Variants in WDFY4 observed in about 807,000 individuals in gnomAD.
The protein encoded by WDFY4 is WD repeat- and FYVE domain-containing protein 4.
A neutral mutation model predicts 351.9 loss-of-function variants in WDFY4; 169 were observed. That is an observed-to-expected ratio of 0.48 (90% CI 0.42 to 0.55). The LOEUF is 0.55. Among genes scored for constraint, WDFY4 ranks in the 20% least tolerant of loss-of-function variants. WDFY4 has a pLI of 0.00. For synonymous variants in WDFY4, 1,622 were observed against 1,574.6 expected (o/e 1.03, Z -0.71); for missense variants, 3,803 against 3,935.6 (o/e 0.97, Z 0.90).
chr10:48,888,819 T>C (rs1589817556), intron 43 of WDFY4, among the ~76,000 whole-genome samples: 1 of 152,226 alleles, frequency 6.6e-6, no homozygotes. Flanking sequence ...CCAAGAATAA[T>C]GTCCAAGAAC....
intron 47 of WDFY4, chr10:48,910,213 C>T (rs1263538448): frequency 7.5e-7 from 1 of 1,325,002 alleles, no homozygotes; most frequent in South Asian, 1.2e-5. Flanking sequence ...GCTGAGTAGT[C>T]TTCAAGATTT....
chr10:48,820,988 C>T, intron 33 of WDFY4, 74 bp from the exon 34 acceptor site: 1 of 1,040,594 alleles, frequency 9.6e-7, no homozygotes, highest in East Asian at 2.6e-5. Context: ...CCCAGCCAGG[C>T]TAGGGAGGCG....
chr10:48,785,127 T>C (rs1020631101), intron 19 of WDFY4, among the ~76,000 whole-genome samples: 21 of 152,314 alleles, frequency 1.4e-4, no homozygotes, highest in Admixed American at 7.2e-4. Flanking sequence ...CCCAAAGTGC[T>C]GGGATTACAG....
intron 39 of WDFY4, among the ~76,000 whole-genome samples, chr10:48,834,832 T>A (rs1394644459): frequency 6.6e-6 from 1 of 152,246 alleles, no homozygotes; most frequent in African/African-American, 2.4e-5. Context: ...CTCTCATTGA[T>A]ACAGCTCAGC....
chr10:48,696,403 C>A (rs1474932583), intron 1 of WDFY4, among the ~76,000 whole-genome samples: 2 of 152,246 alleles, frequency 1.3e-5, no homozygotes, highest in East Asian at 1.9e-4. Flanking sequence ...ATGTGGCATT[C>A]CCCCAACACA....
intron 43 of WDFY4, among the ~76,000 whole-genome samples, chr10:48,884,514 A>G (rs1007684863): frequency 4.6e-5 from 7 of 152,088 alleles, no homozygotes; most frequent in African/African-American, 1.4e-4. Flanking sequence ...ACACATGTGC[A>G]ACCACATGCA....
chr10:48,901,852 C>T lies in WDFY4; in HGVS notation c.7575C>T (p.Thr2525=), dbSNP rs989960872. ...SLKGKATSED[T]LSLRRYPGSD... ...AGGGGAAAGCCACCTCGGAGGACAC[C>T]CTCAGTCTAAGGTAATGGCGGGTAG... Residue 2525 remains threonine, a synonymous_variant, in exon 47 of 62, where the codon ACC becomes ACT. Transcript: ENST00000325239. 5 of 1,551,432 alleles carry T rather than the reference C, an allele frequency of 3.2e-6. No individual in the cohort carries two copies. In the African/African-American group the frequency reaches 5.5e-5, roughly 17 times the overall value.
chr10:48,863,564 G>A (rs7916558), intron 39 of WDFY4, among the ~76,000 whole-genome samples: 46,431 of 151,746 alleles, frequency 0.31, 7,829 homozygotes, highest in East Asian at 0.71. Context: ...TTTTATTATT[G>A]ATCTCTAAGT....
chr10:48,817,428 C>A lies in WDFY4; in HGVS notation c.5505+19C>A. On this transcript the variant is annotated intron_variant, in intron 32 of 61. Coordinates refer to ENST00000325239, the MANE Select transcript of WDFY4 (RefSeq NM_001394531.1). ...CCAAAAGGTAGGACATGCTGCTGTC[C>A]CACCCAGAGAGAGCAGTTGTGAGCA... is the stretch of plus-strand genomic sequence containing the variant. The A allele has an allele frequency of 6.5e-7, 1 of 1,539,156 alleles. No homozygotes were observed.
intron 51 of WDFY4, among the ~76,000 whole-genome samples, chr10:48,952,782 C>A (rs966733910): frequency 6.6e-6 from 1 of 152,310 alleles, no homozygotes; most frequent in South Asian, 2.1e-4. Flanking sequence ...GGGGTCATCC[C>A]GTCCTCTGTG....
At chr10:48,754,334 A>G (rs941472261) in intron 12 of WDFY4, among the ~76,000 whole-genome samples, 6 of 150,916 alleles carry the variant, frequency 4.0e-5, no homozygotes, top group Admixed American at 1.3e-4. Flanking sequence ...CTCCTACTTC[A>G]GGGCTTTTGC....
chr10:48,888,793 A>G (rs777312276), intron 43 of WDFY4, among the ~76,000 whole-genome samples: 2 of 152,146 alleles, frequency 1.3e-5, no homozygotes, highest in Non-Finnish European at 2.9e-5. Context: ...TTCAAGTTTC[A>G]GGGTCTATGT....
chr10:48,861,837 A>G (rs1006768710), intron 39 of WDFY4, among the ~76,000 whole-genome samples: 3 of 152,088 alleles, frequency 2.0e-5, no homozygotes, highest in Admixed American at 2.0e-4. Context: ...CAAAGATTAA[A>G]TCTTTTGTTA....
At chr10:48,779,090 A>C (rs888722745) in intron 18 of WDFY4, among the ~76,000 whole-genome samples, 4 of 152,252 alleles carry the variant, frequency 2.6e-5, no homozygotes, top group South Asian at 2.1e-4. Flanking sequence ...GATGATGCTC[A>C]GTGGCTTTTC....
chr10:48,928,449 C>T (rs57476749), intron 47 of WDFY4, among the ~76,000 whole-genome samples: 5 of 149,844 alleles, frequency 3.3e-5, no homozygotes, highest in South Asian at 4.2e-4. Context: ...ACACAACTGA[C>T]CAAATGGGGA....
chr10:48,942,522 C>T (rs1840832029), intron 48 of WDFY4, among the ~76,000 whole-genome samples: 1 of 152,188 alleles, frequency 6.6e-6, no homozygotes, highest in Non-Finnish European at 1.5e-5. Flanking sequence ...ATTCTTGTTC[C>T]TGGAAGATAC....
intron 23 of WDFY4, among the ~76,000 whole-genome samples, chr10:48,792,196 C>T (rs1228698560): frequency 6.6e-6 from 1 of 152,154 alleles, no homozygotes; most frequent in Non-Finnish European, 1.5e-5. Flanking sequence ...GCTCAGAGCA[C>T]CTCTTTTTTT....
At chr10:48,780,323 A>G (rs1373426554) in intron 19 of WDFY4, among the ~76,000 whole-genome samples, 1 of 152,262 alleles carries the variant, frequency 6.6e-6, no homozygotes, top group Non-Finnish European at 1.5e-5. Flanking sequence ...TAGAAAATGC[A>G]TTGAAGGTCA....
chr10:48,969,040 T>A, intron 55 of WDFY4, 24 bp from the exon 56 acceptor site: 1 of 1,547,342 alleles, frequency 6.5e-7, no homozygotes, highest in Non-Finnish European at 8.7e-7. Flanking sequence ...CATGCATAAG[T>A]TCGCCATACT....
Sources: gnomAD v4.1 joint callset for allele counts (sites outside exome capture counted in the v4.1 genomes callset) on GRCh38, gnomAD v4.1.1 for gene constraint, MANE v1.5 for transcripts, NCBI Gene and HGNC (gene_info 2026-07-23, HGNC 2026-07-21) for gene names.